Variants in ANKS1B observed in about 807,000 individuals in gnomAD.
ANKS1B encodes the protein ankyrin repeat and sterile alpha motif domain containing 1B.
ANKS1B carries 36 observed loss-of-function variants against 148.3 expected under a neutral mutation model. The ratio of observed to expected loss-of-function variants is 0.24; its 90% CI spans 0.19 to 0.32. ANKS1B has a LOEUF of 0.32. ANKS1B is among the 10% of genes least tolerant of loss of function. The probability of loss-of-function intolerance (pLI) is 1.00; values close to 1 mark genes in which losing one functional copy is unlikely to be tolerated. For synonymous variants in ANKS1B, 542 were observed against 560.8 expected (o/e 0.97, Z 0.47); for missense variants, 1,157 against 1,542.6 (o/e 0.75, Z 4.19).
At chr12:99,300,105 T>C (rs2081406033) in intron 12 of ANKS1B, among the ~76,000 whole-genome samples, 2 of 152,132 alleles carry the variant, frequency 1.3e-5, no homozygotes, top group Non-Finnish European at 1.5e-5. Context: ...ATTACTATGC[T>C]TTAGAAAAAT....
chr12:99,810,618 G>A (rs1453105483), intron 3 of ANKS1B, among the ~76,000 whole-genome samples: 1 of 151,814 alleles, frequency 6.6e-6, no homozygotes, highest in Non-Finnish European at 1.5e-5. Flanking sequence ...GGTGAACAAA[G>A]GACTTTGAAT....
Position 99,586,183 on chromosome 12 carries a change from A to T in ANKS1B, c.1272+68884T>A, listed in dbSNP as rs540940913. On this transcript the variant is annotated intron_variant, in intron 9 of 26. Transcript: ENST00000683438. ...TATAAAACTGAATGCTTTTATCAGC[A>T]TCCAAGTCACCTCTTGAACAGTTTG... 1.3e-4 allele frequency among the ~76,000 whole-genome samples: 20 copies of T among 152,180 alleles called. 1 individual carries two copies. The highest frequency in any genetic ancestry group is 2.2e-4 in the Non-Finnish European group (15 of 68,028).
intron 14 of ANKS1B, among the ~76,000 whole-genome samples, chr12:99,225,664 G>A (rs183692651): frequency 6.6e-6 from 1 of 152,314 alleles, no homozygotes. Context: ...TGTCTCCTGT[G>A]CTGAATGCTT....
At chr12:99,310,827 G>A (rs2083041454) in intron 12 of ANKS1B, among the ~76,000 whole-genome samples, 1 of 152,078 alleles carries the variant, frequency 6.6e-6, no homozygotes, top group Admixed American at 6.6e-5. Context: ...GGAGAATCCT[G>A]ACTAATACAA....
At chr12:99,680,173 G>GC (rs2098605909) in intron 8 of ANKS1B, among the ~76,000 whole-genome samples, 2 of 152,234 alleles carry the variant, frequency 1.3e-5, no homozygotes, top group Admixed American at 1.3e-4. Flanking sequence ...AGGTATGGTG[G>GC]CCCATGCCTG....
chr12:99,163,540 C>T (rs966319386), intron 14 of ANKS1B, among the ~76,000 whole-genome samples: 4 of 150,942 alleles, frequency 2.7e-5, no homozygotes, highest in Admixed American at 2.0e-4. Flanking sequence ...GTGCAGACCA[C>T]GTGGCCATCA....
chr12:99,406,275 G>A lies in ANKS1B; in HGVS notation c.1576-6464C>T, dbSNP rs548652872. ...AAAGATAGACCATTTGTTAGGTCAC[G>A]AAACAAGTCTTAAAAAAACTAAAAA... On this transcript the variant is annotated intron_variant, in intron 11 of 26. Transcript: ENST00000683438. Among the ~76,000 whole-genome samples, 29 of 145,340 alleles carry A rather than the reference G, an allele frequency of 2.0e-4. 4 individuals are homozygous for A. The highest frequency in any genetic ancestry group is 4.2e-4 in the South Asian group (2 of 4,758).
intron 17 of ANKS1B, among the ~76,000 whole-genome samples, chr12:98,999,851 GCTTCTC>G (rs1186522180): frequency 6.6e-6 from 1 of 152,188 alleles, no homozygotes; most frequent in Non-Finnish European, 1.5e-5. Context: ...GGCTACAACT[GCTTCTC>G]CTAACAATTC....
chr12:99,199,256 CAGTTTTAGATAACT>C (rs1456754969), intron 14 of ANKS1B, among the ~76,000 whole-genome samples: 4 of 152,192 alleles, frequency 2.6e-5, no homozygotes, highest in East Asian at 3.8e-4. Flanking sequence ...TTAAGTCATG[CAGTTTTAGATAACT>C]AGTTTTAGAT....
chr12:98,843,692 A>C (rs1446681652), intron 17 of ANKS1B, among the ~76,000 whole-genome samples: 1 of 152,190 alleles, frequency 6.6e-6, no homozygotes, highest in Non-Finnish European at 1.5e-5. Flanking sequence ...TAAATAAAGA[A>C]GGTGTGCCAG....
At chr12:98,862,236 C>T (rs2099602775) in intron 17 of ANKS1B, among the ~76,000 whole-genome samples, 1 of 152,116 alleles carries the variant, frequency 6.6e-6, no homozygotes, top group African/African-American at 2.4e-5. Flanking sequence ...AGTACAGGCC[C>T]TAGGGTCAGT....
At chr12:98,871,719 T>C (rs1230201280) in intron 17 of ANKS1B, among the ~76,000 whole-genome samples, 1 of 152,184 alleles carries the variant, frequency 6.6e-6, no homozygotes, top group African/African-American at 2.4e-5. Flanking sequence ...AAAACCATAT[T>C]CTTTATCTAC....
At chr12:98,812,488 G>A (rs2153632645) in intron 19 of ANKS1B, among the ~76,000 whole-genome samples, 1 of 152,358 alleles carries the variant, frequency 6.6e-6, no homozygotes. Flanking sequence ...ATTAGGTTAT[G>A]CGTAACTGTC....
intron 17 of ANKS1B, among the ~76,000 whole-genome samples, chr12:98,935,668 T>C (rs1308105686): frequency 6.6e-6 from 1 of 152,186 alleles, no homozygotes; most frequent in Non-Finnish European, 1.5e-5. Context: ...AATATTTATA[T>C]CTCAAGAAGC....
In ANKS1B at chr12:98,758,416, CAT is replaced by C. The variant is rs2098315246; in HGVS notation, c.3580-6896_3580-6895del. On this transcript the variant is annotated intron_variant, in intron 25 of 26. Coordinates refer to ENST00000683438, the MANE Select transcript of ANKS1B (RefSeq NM_001352186.2). ...AATCTGTTTTAAAAAGTTTAAAAAACATGTGAGCCAATTGAGCTTCCAAGTGA... is the reference window on the plus strand; with the variant it reads ...AATCTGTTTTAAAAAGTTTAAAAAACGTGAGCCAATTGAGCTTCCAAGTGA... Among the ~76,000 whole-genome samples, 4 of 152,218 alleles carry C rather than the reference CAT, an allele frequency of 2.6e-5. No individual in the cohort carries two copies. In the South Asian group the frequency reaches 8.3e-4, roughly 32 times the overall value.
chr12:99,123,851 C>T (rs774704734), intron 15 of ANKS1B, among the ~76,000 whole-genome samples: 12 of 152,142 alleles, frequency 7.9e-5, no homozygotes, highest in Non-Finnish European at 1.8e-4. Flanking sequence ...GGGTCTGCCT[C>T]TCCCAACCCA....
chr12:99,843,100 A>C (rs2086034465), intron 1 of ANKS1B, among the ~76,000 whole-genome samples: 1 of 152,092 alleles, frequency 6.6e-6, no homozygotes, highest in Admixed American at 6.6e-5. Context: ...TCAAGGGTAG[A>C]TATGCATAAC....
chr12:98,888,479 A>T (rs1474270073), intron 17 of ANKS1B, among the ~76,000 whole-genome samples: 1 of 152,172 alleles, frequency 6.6e-6, no homozygotes, highest in Non-Finnish European at 1.5e-5. Flanking sequence ...ATGTAAAAGG[A>T]TCACACCTCT....
chr12:99,898,204 T>C (rs559246184), intron 1 of ANKS1B, among the ~76,000 whole-genome samples: 1 of 152,288 alleles, frequency 6.6e-6, no homozygotes, highest in East Asian at 1.9e-4. Context: ...AATCTAGAAT[T>C]AAACATTTCT....
Sources: gnomAD v4.1 joint callset for allele counts (sites outside exome capture counted in the v4.1 genomes callset) on GRCh38, gnomAD v4.1.1 for gene constraint, MANE v1.5 for transcripts, NCBI Gene and HGNC (gene_info 2026-07-23, HGNC 2026-07-21) for gene names.